Variants in HMGCLL1 observed in about 807,000 individuals in gnomAD.
The protein encoded by HMGCLL1 is 3-hydroxymethyl-3-methylglutaryl-CoA lyase, cytoplasmic.
Under a neutral mutation model 39.1 loss-of-function variants are expected in HMGCLL1, and 36 were observed. That is an observed-to-expected ratio of 0.92 (90% CI 0.71 to 1.22). The LOEUF (loss-of-function observed/expected upper bound fraction) is 1.22. HMGCLL1 is among the 50% of genes most tolerant of loss of function. The pLI, the probability that HMGCLL1 is intolerant of heterozygous loss-of-function variation, is 0.00. For synonymous variants in HMGCLL1, 149 were observed against 144.0 expected, an observed-to-expected ratio of 1.03 and a Z score of -0.25; for missense variants, 451 against 416.5, an observed-to-expected ratio of 1.08 and a Z score of -0.72.
At chr6:55,488,752 A>G (rs957552003) in intron 7 of HMGCLL1, among the ~76,000 whole-genome samples, 2 of 152,010 alleles carry the variant, frequency 1.3e-5, no homozygotes, top group African/African-American at 2.4e-5. Context: ...CACTGATACT[A>G]TTAAATAAGT....
chr6:55,486,499 A>G (rs143208998), intron 7 of HMGCLL1, among the ~76,000 whole-genome samples: 118 of 152,194 alleles, frequency 7.8e-4, no homozygotes, highest in African/African-American at 2.7e-3. Context: ...ATGGATTATT[A>G]TCATTAGCAA....
intron 7 of HMGCLL1, among the ~76,000 whole-genome samples, chr6:55,458,346 A>G (rs1356885015): frequency 6.6e-6 from 1 of 152,178 alleles, no homozygotes; most frequent in Non-Finnish European, 1.5e-5. Context: ...ACACTTCTAA[A>G]GCCTAAACAA....
intron 7 of HMGCLL1, among the ~76,000 whole-genome samples, chr6:55,478,672 T>C (rs916765650): frequency 1.3e-5 from 2 of 151,364 alleles, no homozygotes; most frequent in African/African-American, 4.9e-5. Flanking sequence ...TTCATATATA[T>C]ATATTTATTT....
At chr6:55,535,758 T>A (rs1768982725) in intron 3 of HMGCLL1, among the ~76,000 whole-genome samples, 1 of 152,166 alleles carries the variant, frequency 6.6e-6, no homozygotes, top group African/African-American at 2.4e-5. Context: ...TAATAATGGA[T>A]GAGTCTTACT....
chr6:55,602,667 T>TA, the HMGCLL1 span, among the ~76,000 whole-genome samples: 11 of 151,886 alleles, frequency 7.2e-5, no homozygotes, highest in Admixed American at 7.2e-4. Flanking sequence ...AAATAAGATG[T>TA]AAAAAATGTC....
chr6:55,439,924 T>A (rs1763527376), intron 7 of HMGCLL1, among the ~76,000 whole-genome samples: 1 of 152,182 alleles, frequency 6.6e-6, no homozygotes, highest in Admixed American at 6.6e-5. Context: ...TAAAAGCATT[T>A]TATAAGCAAC....
At chr6:55,619,345 C>T in the HMGCLL1 span, among the ~76,000 whole-genome samples, 2 of 152,108 alleles carry the variant, frequency 1.3e-5, no homozygotes, top group South Asian at 2.1e-4. Context: ...CATCTAAATA[C>T]GATTTTGTTT....
chr6:55,652,049 G>A, the HMGCLL1 span, among the ~76,000 whole-genome samples: 3 of 151,934 alleles, frequency 2.0e-5, no homozygotes, highest in East Asian at 1.9e-4. Context: ...TTAAAACCAC[G>A]TACTGTGATT....
At chr6:55,439,321 T>A (rs995254702) in intron 8 of HMGCLL1, 113 bp downstream of exon 8, 2 of 1,056,404 alleles carry the variant, frequency 1.9e-6, no homozygotes, top group African/African-American at 1.6e-5. Context: ...TTTTAGCAAA[T>A]AGCAAAAGTG....
At chr6:55,454,989 G>A (rs1047516913) in intron 7 of HMGCLL1, among the ~76,000 whole-genome samples, 2 of 140,342 alleles carry the variant, frequency 1.4e-5, no homozygotes, top group Non-Finnish European at 3.0e-5. Flanking sequence ...TCAGGTCTGT[G>A]TTCCCAGCTA....
chr6:55,642,206 A>G, the HMGCLL1 span, among the ~76,000 whole-genome samples: 45 of 146,450 alleles, frequency 3.1e-4, no homozygotes, highest in Non-Finnish European at 5.7e-4. Context: ...ATGATTTCCA[A>G]TTTCATCCAT....
At chr6:55,593,666 T>C in the HMGCLL1 span, among the ~76,000 whole-genome samples, 1 of 152,210 alleles carries the variant, frequency 6.6e-6, no homozygotes, top group Non-Finnish European at 1.5e-5. Flanking sequence ...AACTAATTCA[T>C]ATAACTTGAA....
intron 5 of HMGCLL1, among the ~76,000 whole-genome samples, chr6:55,500,292 A>G (rs1401913015): frequency 2.6e-5 from 4 of 152,024 alleles, no homozygotes; most frequent in Admixed American, 6.6e-5. Flanking sequence ...TAGTGGCAAG[A>G]TCAGATTTGT....
the HMGCLL1 span, among the ~76,000 whole-genome samples, chr6:55,658,706 T>C: frequency 1.3e-5 from 2 of 151,918 alleles, no homozygotes; most frequent in Admixed American, 6.6e-5. Context: ...AATACTTTTG[T>C]TAGGTATTGG....
rs1554155950 is a variant in HMGCLL1, at chr6:55,543,188, A to AATATATCAT, written c.109-1049_109-1048insATGATATAT. On this transcript the variant is annotated intron_variant, in intron 1 of 8. Transcript: ENST00000274901. ...ATATAATATATAATATATAATATATAATATATTATATATTATATATTATAT... is the reference window on the plus strand; with the variant it reads ...ATATAATATATAATATATAATATATAATATATCATATATATTATATATTATATATTATAT... Among the ~76,000 whole-genome samples, 4 of 7,344 alleles carry AATATATCAT rather than the reference A, an allele frequency of 5.4e-4. 1 individual carries two copies. Among genetic ancestry groups the AATATATCAT allele is most frequent in the Non-Finnish European group, 3.4e-4 (1 of 2,902 alleles). 4.8% of individuals were successfully genotyped at this position (7,344 alleles called of 152,430 possible).
chr6:55,624,824 A>G, the HMGCLL1 span, among the ~76,000 whole-genome samples: 1 of 152,184 alleles, frequency 6.6e-6, no homozygotes, highest in Non-Finnish European at 1.5e-5. Flanking sequence ...AGAAAGAGAC[A>G]CAATGCCTAG....
chr6:55,588,668 T>C, the HMGCLL1 span, among the ~76,000 whole-genome samples: 1 of 151,412 alleles, frequency 6.6e-6, no homozygotes, highest in African/African-American at 2.4e-5. Flanking sequence ...GCAAGACTAA[T>C]AAAGAAGAAA....
chr6:55,558,511 ATG>A (rs1770785868), intron 1 of HMGCLL1, among the ~76,000 whole-genome samples: 1 of 152,182 alleles, frequency 6.6e-6, no homozygotes, highest in East Asian at 1.9e-4. Flanking sequence ...TACAGACTTA[ATG>A]ATTTTACACT....
chr6:55,447,872 C>T (rs1016389463), intron 7 of HMGCLL1, among the ~76,000 whole-genome samples: 1 of 152,030 alleles, frequency 6.6e-6, no homozygotes, highest in Non-Finnish European at 1.5e-5. Flanking sequence ...TGCTACTGCA[C>T]AATATTAATA....
Sources: allele counts gnomAD v4.1 joint callset (sites outside exome capture counted in the v4.1 genomes callset), GRCh38; gene constraint gnomAD v4.1.1; transcripts MANE v1.5; gene names NCBI Gene and HGNC (gene_info 2026-07-23, HGNC 2026-07-21).